The following WDR47 variants were observed in gnomAD, a reference collection of about 807,000 sequenced individuals.
The protein encoded by WDR47 is WD repeat-containing protein 47.
Under a neutral mutation model 97.2 loss-of-function variants are expected in WDR47, and 32 were observed. The ratio of observed to expected loss-of-function variants is 0.33; its 90% CI spans 0.25 to 0.44. The LOEUF is 0.44. Ranked by LOEUF, WDR47 falls within the 20% of genes least tolerant of loss-of-function variation. The pLI is 1.00. For synonymous variants in WDR47, 375 were observed against 373.5 expected (o/e 1.00, Z -0.05); for missense variants, 782 against 1,102.3 (o/e 0.71, Z 4.11).
At chr1:108,975,338 T>C (rs1657801632) in intron 13 of WDR47, among the ~76,000 whole-genome samples, 1 of 151,798 alleles carries the variant, frequency 6.6e-6, no homozygotes, top group South Asian at 2.1e-4. Flanking sequence ...TAATTAATTA[T>C]ACAGGCTGGG....
intron 10 of WDR47, among the ~76,000 whole-genome samples, chr1:108,984,466 G>T (rs564039858): frequency 6.6e-6 from 1 of 152,262 alleles, no homozygotes; most frequent in East Asian, 1.9e-4. Context: ...CAAAAATCTT[G>T]ACAACTATTG....
At chr1:109,028,640 G>A (rs1272727014) in intron 1 of WDR47, among the ~76,000 whole-genome samples, 3 of 151,082 alleles carry the variant, frequency 2.0e-5, no homozygotes, top group South Asian at 2.1e-4. Flanking sequence ...TTTAGTAGAG[G>A]TGGGGTTTCA....
Position 109,002,494 on chromosome 1 carries a change from A to G in WDR47, c.1255-92T>C, listed in dbSNP as rs146453920. 8.8e-3 allele frequency: 9,000 copies of G among 1,021,668 alleles called. 66 individuals carry two copies. The highest frequency in any genetic ancestry group is 0.013 in the Middle Eastern group (38 of 3,000). The allele number at this position is 1,021,668 out of a possible 1,614,324, so 63.3% of individuals were successfully genotyped here. A position where few individuals can be genotyped will look rare whatever the true frequency, so the allele number is the denominator to read the frequency against. On this transcript the variant is annotated intron_variant, in intron 6 of 14. Transcript: ENST00000369962. ...CTTTTATAAATGCTGAATAAAATAT[A>G]CAATTAGCTATATTTAACAATCACA...
At chr1:109,014,116 T>C (rs1292169552) in intron 3 of WDR47, among the ~76,000 whole-genome samples, 191 bp from the exon 4 acceptor site, 1 of 152,218 alleles carries the variant, frequency 6.6e-6, no homozygotes, top group Non-Finnish European at 1.5e-5. Context: ...GAATTTATAC[T>C]TCCAATATTA....
chr1:109,021,986 T>C (rs898907904), intron 2 of WDR47, among the ~76,000 whole-genome samples: 3 of 152,078 alleles, frequency 2.0e-5, no homozygotes, highest in Non-Finnish European at 2.9e-5. Flanking sequence ...TAGCTGGGAC[T>C]AGAGGCATGC....
chr1:108,978,277 C>G (rs1489295556), intron 13 of WDR47, among the ~76,000 whole-genome samples: 3 of 151,536 alleles, frequency 2.0e-5, no homozygotes, highest in African/African-American at 7.3e-5. Context: ...AGATCGAGAC[C>G]ATCCTGGCTA....
chr1:109,002,916 A>C (rs1351936792), intron 6 of WDR47, among the ~76,000 whole-genome samples: 1 of 152,218 alleles, frequency 6.6e-6, no homozygotes, highest in Non-Finnish European at 1.5e-5. Flanking sequence ...TCTATGGAAA[A>C]AAACAGTATG....
chr1:108,977,305 C>G (rs1657987387), intron 13 of WDR47, among the ~76,000 whole-genome samples: 1 of 152,096 alleles, frequency 6.6e-6, no homozygotes, highest in Non-Finnish European at 1.5e-5. Context: ...GCGCCCACCA[C>G]CACGCCTAGC....
chr1:108,992,677 T>A, intron 8 of WDR47: 3 of 1,514,232 alleles, frequency 2.0e-6, no homozygotes, highest in Non-Finnish European at 1.8e-6. Flanking sequence ...CCTACAGAGC[T>A]CATGGTCGGA....
At chr1:109,025,388 A>C (rs1166014664) in intron 1 of WDR47, among the ~76,000 whole-genome samples, 1 of 145,830 alleles carries the variant, frequency 6.9e-6, no homozygotes, top group Non-Finnish European at 1.5e-5. Context: ...CGGTGATCAT[A>C]CCACTGCACT....
At position 109,021,524 on chromosome 1, in the gene WDR47, T is replaced by C. The variant is rs1571235977; in HGVS notation, c.158+1831A>G. ...GCCTAGGTGACAAAGCAAGCCTCTA[T>C]CTCAAAAAAAAAAAAAAAAAGGCGC... is the stretch of plus-strand genomic sequence containing the variant. On this transcript the variant is annotated intron_variant, in intron 2 of 14. Transcript: ENST00000369962. Among the ~76,000 whole-genome samples the C allele has an allele frequency of 8.1e-5, 4 of 49,216 alleles. 1 individual carries two copies. The highest frequency in any genetic ancestry group is 3.0e-4 in the Admixed American group (1 of 3,340). 32.3% of individuals were successfully genotyped at this position (49,216 alleles called of 152,430 possible).
chr1:109,012,590 A>AAAAC (rs1553233815), intron 4 of WDR47, among the ~76,000 whole-genome samples: 12 of 150,840 alleles, frequency 8.0e-5, no homozygotes, highest in Non-Finnish European at 1.8e-4. Flanking sequence ...AAAAAAAAAA[A>AAAAC]CAGAAAGGGA....
At chr1:109,027,397 G>C (rs1442760802) in intron 1 of WDR47, among the ~76,000 whole-genome samples, 1 of 151,978 alleles carries the variant, frequency 6.6e-6, no homozygotes, top group Non-Finnish European at 1.5e-5. Context: ...GCTGAATACA[G>C]TATAAATATA....
chr1:109,004,618 C>G lies in WDR47; in HGVS notation c.1228G>C (p.Gly410Arg). ...KEPANGAQNP[G>R]PAKQEKNELR... is the part of the protein sequence containing the mutation. ...TCATTTTTTTCTTGTTTAGCTGGTC[C>G]TGGATTCTGTGCTCCATTTGCAGGC... is the stretch of plus-strand genomic sequence containing the variant. The change falls in exon 6 of 15, where the codon GGA becomes CGA. Residue 410 changes from glycine to arginine, a missense_variant. By Grantham distance (125) the Gly-to-Arg change is moderately radical (BLOSUM62 -2). Coordinates refer to ENST00000369962, the MANE Select transcript of WDR47 (RefSeq NM_001142551.2). 1.2e-6 allele frequency: 2 copies of G among 1,613,238 alleles called. No individual in the cohort carries two copies. Among genetic ancestry groups the G allele is most frequent in the Non-Finnish European group, 1.7e-6 (2 of 1,179,652 alleles).
In WDR47 at chr1:109,018,557, G is replaced by C. The variant is rs552651083; in HGVS notation, c.159-956C>G. Among the ~76,000 whole-genome samples, 3 of 152,172 alleles carry C rather than the reference G, an allele frequency of 2.0e-5. No individual in the cohort carries two copies. In the East Asian group the frequency reaches 5.8e-4, roughly 29 times the overall value. The stretch of plus-strand genomic sequence containing the variant: ...TGGCTGGGCGCAGTGGCTCATGTCT[G>C]TGGTCCCAGCACTTTAGGAAGCTAA... On this transcript the variant is annotated intron_variant, in intron 2 of 14. Coordinates refer to ENST00000369962, the MANE Select transcript of WDR47 (RefSeq NM_001142551.2).
chr1:108,991,956 C>T (rs1465383993), intron 8 of WDR47, among the ~76,000 whole-genome samples: 2 of 152,088 alleles, frequency 1.3e-5, no homozygotes, highest in Non-Finnish European at 2.9e-5. Flanking sequence ...AGTCACCACA[C>T]CCAGCCAGCT....
intron 7 of WDR47, among the ~76,000 whole-genome samples, chr1:109,000,440 C>T (rs35079096): frequency 0.012 from 1,613 of 131,352 alleles, 10 homozygotes; most frequent in Admixed American, 0.028. Context: ...ACCTGGGAGG[C>T]GGAGGTTGCA....
At chr1:109,017,828 C>A (rs1661531414) in intron 2 of WDR47, among the ~76,000 whole-genome samples, 2 of 151,636 alleles carry the variant, frequency 1.3e-5, no homozygotes, top group South Asian at 4.2e-4. Context: ...CTCACTGCAC[C>A]CTCTGACTCC....
At chr1:109,035,619 T>A (rs1162943710) in intron 1 of WDR47, among the ~76,000 whole-genome samples, 1 of 151,672 alleles carries the variant, frequency 6.6e-6, no homozygotes, top group African/African-American at 2.4e-5. Context: ...TGCCTTGGCC[T>A]CCCGAGTAGC....
Sources: gnomAD v4.1 joint callset for allele counts (sites outside exome capture counted in the v4.1 genomes callset) on GRCh38, gnomAD v4.1.1 for gene constraint, MANE v1.5 for transcripts, NCBI Gene and HGNC (gene_info 2026-07-23, HGNC 2026-07-21) for gene names.